Variants in BZW2 observed in about 807,000 individuals in gnomAD.
BZW2 encodes the protein eIF5-mimic protein 1.
A neutral mutation model predicts 53.2 loss-of-function variants in BZW2; 23 were observed. The ratio of observed to expected loss-of-function variants is 0.43; its 90% CI spans 0.31 to 0.61. The LOEUF (loss-of-function observed/expected upper bound fraction) is 0.61. Among genes scored for constraint, BZW2 ranks in the 20% least tolerant of loss-of-function variants. BZW2 has a pLI of 0.09. For synonymous variants in BZW2, 227 were observed against 186.4 expected (o/e 1.22, Z -1.77); for missense variants, 409 against 503.1 (o/e 0.81, Z 1.79).
chr7:16,669,903 A>G (rs1042636135), intron 2 of BZW2, among the ~76,000 whole-genome samples: 2 of 152,230 alleles, frequency 1.3e-5, no homozygotes, highest in African/African-American at 4.8e-5. Flanking sequence ...AGGCAATGGC[A>G]TATTTTCATT....
At chr7:16,662,915 C>T (rs566157544) in intron 1 of BZW2, among the ~76,000 whole-genome samples, 1 of 152,110 alleles carries the variant, frequency 6.6e-6, no homozygotes, top group African/African-American at 2.4e-5. Context: ...GACCCAACAC[C>T]CAAATTCTTG....
chr7:16,671,109 A>AT (rs1381399982), intron 2 of BZW2, among the ~76,000 whole-genome samples: 2 of 152,026 alleles, frequency 1.3e-5, no homozygotes, highest in African/African-American at 4.8e-5. Flanking sequence ...CTAGTTCTTG[A>AT]TTTTTTCTGT....
intron 1 of BZW2, among the ~76,000 whole-genome samples, chr7:16,657,863 C>A (rs1444718469): frequency 6.6e-6 from 1 of 152,164 alleles, no homozygotes; most frequent in East Asian, 1.9e-4. Flanking sequence ...GTTTCTCAAC[C>A]TCAGCACTTC....
intron 8 of BZW2, 142 bp from the exon 9 acceptor site, chr7:16,696,773 C>A: frequency 1.2e-6 from 1 of 825,986 alleles, no homozygotes; most frequent in Non-Finnish European, 1.9e-6. Context: ...CTCTTCCAGT[C>A]TGAGAATGCA....
chr7:16,664,002 GC>G (rs1165939053), intron 1 of BZW2, among the ~76,000 whole-genome samples: 1 of 152,106 alleles, frequency 6.6e-6, no homozygotes, highest in Non-Finnish European at 1.5e-5. Flanking sequence ...GTTTCTTGTA[GC>G]CTTCTTAAAT....
At chr7:16,680,267 A>G (rs1782901031) in intron 3 of BZW2, among the ~76,000 whole-genome samples, 1 of 152,210 alleles carries the variant, frequency 6.6e-6, no homozygotes, top group African/African-American at 2.4e-5. Context: ...CTGAAGAAAG[A>G]ACTATGTCCT....
At chr7:16,675,488 A>G (rs1782736846) in intron 3 of BZW2, among the ~76,000 whole-genome samples, 1 of 152,210 alleles carries the variant, frequency 6.6e-6, no homozygotes, top group East Asian at 1.9e-4. Context: ...TTTGAAAAAG[A>G]ATGTGCATAC....
chr7:16,693,927 T>C lies in BZW2; in HGVS notation c.652-907T>C, dbSNP rs1360664758. Among the ~76,000 whole-genome samples the C allele has an allele frequency of 3.3e-5, 5 of 152,168 alleles. No homozygotes were observed. In the East Asian group the frequency reaches 9.6e-4, roughly 29 times the overall value. ...GTTCCTATAGGTGGTGGCAAACCCA[T>C]TGCAGATCTACTGAGGCTCTTTCTG... On this transcript the variant is annotated intron_variant, in intron 7 of 11. Coordinates refer to ENST00000258761, the MANE Select transcript of BZW2 (RefSeq NM_014038.3).
At position 16,697,915 on chromosome 7, in the gene BZW2, T is replaced by C. The variant is rs914447584; in HGVS notation, c.970-133T>C. On this transcript the variant is annotated intron_variant, in intron 9 of 11. Coordinates refer to ENST00000258761, the MANE Select transcript of BZW2 (RefSeq NM_014038.3). ...TCCCCTCACCCCATTGGGCACAATA[T>C]GATGATAAAAGGTGTCAATCCTGAA... 66 of 1,099,284 alleles carry C rather than the reference T, an allele frequency of 6.0e-5. 1 individual carries two copies. Among genetic ancestry groups the C allele is most frequent in the Middle Eastern group, 2.9e-4 (1 of 3,412 alleles). The allele number at this position is 1,099,284 out of a possible 1,614,324, so 68.1% of individuals were successfully genotyped here.
At chr7:16,700,027 C>CA (rs1444374858) in intron 10 of BZW2, among the ~76,000 whole-genome samples, 1 of 152,130 alleles carries the variant, frequency 6.6e-6, no homozygotes, top group Non-Finnish European at 1.5e-5. Flanking sequence ...AGGTCTGTGG[C>CA]AAGTATGACC....
intron 11 of BZW2, 100 bp downstream of exon 11, chr7:16,704,769 TA>T: frequency 8.0e-7 from 1 of 1,246,684 alleles, no homozygotes; most frequent in Non-Finnish European, 1.1e-6. Context: ...TTTCTAAAAC[TA>T]AAATTCTAGA....
At chr7:16,649,169 A>G (rs767603541) in intron 1 of BZW2, among the ~76,000 whole-genome samples, 1 of 152,104 alleles carries the variant, frequency 6.6e-6, no homozygotes, top group Non-Finnish European at 1.5e-5. Context: ...ATCGCATTCT[A>G]TTATAGTTAT....
chr7:16,651,489 A>G (rs1003886896), intron 1 of BZW2, among the ~76,000 whole-genome samples: 3 of 152,230 alleles, frequency 2.0e-5, no homozygotes, highest in Non-Finnish European at 2.9e-5. Flanking sequence ...AAGAAATGTT[A>G]TATGTTTTTC....
intron 2 of BZW2, among the ~76,000 whole-genome samples, chr7:16,668,625 G>C (rs1351924028): frequency 6.6e-6 from 1 of 152,122 alleles, no homozygotes; most frequent in Non-Finnish European, 1.5e-5. Flanking sequence ...TGTAGAGCTG[G>C]GGAAAATTAC....
intron 9 of BZW2, among the ~76,000 whole-genome samples, chr7:16,697,308 C>G (rs1174372434): frequency 6.6e-6 from 1 of 152,114 alleles, no homozygotes; most frequent in Non-Finnish European, 1.5e-5. Flanking sequence ...CCAGGCTGGT[C>G]TTGAACTCCT....
At chr7:16,678,087 C>CTTTTTTTTTTT (rs71007780) in intron 3 of BZW2, among the ~76,000 whole-genome samples, 15 of 66,908 alleles carry the variant, frequency 2.2e-4, no homozygotes, top group African/African-American at 5.0e-4. Flanking sequence ...TTCCATTGTT[C>CTTTTTTTTTTT]TTTTTTTTTT....
At chr7:16,671,760 G>T (rs1197713387) in intron 2 of BZW2, among the ~76,000 whole-genome samples, 1 of 151,930 alleles carries the variant, frequency 6.6e-6, no homozygotes, top group Admixed American at 6.6e-5. Context: ...GCAAGATCCT[G>T]TCTGTACTGA....
chr7:16,674,697 T>G (rs927403945), intron 3 of BZW2, 109 bp downstream of exon 3: 4 of 1,005,420 alleles, frequency 4.0e-6, no homozygotes, highest in Admixed American at 3.7e-5. Context: ...TTAGAGTTAA[T>G]AAAAATACAA....
intron 1 of BZW2, among the ~76,000 whole-genome samples, chr7:16,652,558 C>T (rs1182820342): frequency 3.3e-5 from 5 of 152,110 alleles, no homozygotes; most frequent in African/African-American, 1.2e-4. Context: ...CTGTTGTTGC[C>T]CAGTCTGGAG....
Sources: gnomAD v4.1 joint callset for allele counts (sites outside exome capture counted in the v4.1 genomes callset) on GRCh38, gnomAD v4.1.1 for gene constraint, MANE v1.5 for transcripts, NCBI Gene and HGNC (gene_info 2026-07-23, HGNC 2026-07-21) for gene names.